The following PHKB variants were observed in gnomAD, a reference collection of about 807,000 sequenced individuals.
PHKB encodes phosphorylase b kinase regulatory subunit beta.
Under a neutral mutation model 152.1 loss-of-function variants are expected in PHKB, and 122 were observed. The ratio of observed to expected loss-of-function variants is 0.80; its 90% CI spans 0.69 to 0.93. PHKB has a LOEUF of 0.93. PHKB is among the 40% of genes least tolerant of loss of function. The pLI, the probability that PHKB is intolerant of heterozygous loss-of-function variation, is 0.00. For missense variants in PHKB, 1,304 were observed against 1,328.4 expected (o/e 0.98, Z 0.29); for synonymous variants, 436 against 464.9 (o/e 0.94, Z 0.80).
At chr16:47,468,600 C>T (rs1191447589) in intron 1 of PHKB, among the ~76,000 whole-genome samples, 1 of 152,240 alleles carries the variant, frequency 6.6e-6, no homozygotes, top group Non-Finnish European at 1.5e-5. Flanking sequence ...TTGCAGTGAG[C>T]TGAGATCGTG....
chr16:47,492,846 G>A (rs545917739), intron 1 of PHKB, among the ~76,000 whole-genome samples: 5 of 152,188 alleles, frequency 3.3e-5, no homozygotes, highest in Non-Finnish European at 5.9e-5. Flanking sequence ...TAAGCCCCAC[G>A]TTGGGTGCTA....
At chr16:47,537,994 G>A (rs530695798) in intron 6 of PHKB, among the ~76,000 whole-genome samples, 1 of 152,034 alleles carries the variant, frequency 6.6e-6, no homozygotes, top group African/African-American at 2.4e-5. Flanking sequence ...CCAGGCTCAA[G>A]CAATCTTCCC....
chr16:47,489,239 G>A (rs1970104219), intron 1 of PHKB, among the ~76,000 whole-genome samples: 1 of 152,132 alleles, frequency 6.6e-6, no homozygotes, highest in Admixed American at 6.5e-5. Flanking sequence ...TTTTAGTAGA[G>A]ATGGGGTTTC....
At chr16:47,594,834 C>A (rs113318674) in intron 12 of PHKB, among the ~76,000 whole-genome samples, 65 of 152,270 alleles carry the variant, frequency 4.3e-4, no homozygotes, top group African/African-American at 1.5e-3. Flanking sequence ...CAAAGGAATT[C>A]CAAATGAGAT....
rs1177353720 is a variant in PHKB at position 47,665,177 on chromosome 16, GC to G, written c.2427+203del. 1.1e-5 allele frequency: 6 copies of G among 553,102 alleles called. No homozygotes were observed. The African/African-American group carries it at 1.1e-4, about 11-fold the overall frequency. 34.3% of individuals were successfully genotyped at this position (553,102 alleles called of 1,614,324 possible). Reference sequence around the variant, plus strand: ...TATGTTGAAATTAAGGAATATAAATGCTTTTTATAAGTCAGCTTCTGTGGAT... The same window carrying G: ...TATGTTGAAATTAAGGAATATAAATGTTTTTATAAGTCAGCTTCTGTGGAT... On this transcript the variant is annotated intron_variant, in intron 25 of 30. Transcript: ENST00000323584.
intron 20 of PHKB, among the ~76,000 whole-genome samples, chr16:47,656,307 G>A (rs912123688): frequency 2.0e-5 from 3 of 152,152 alleles, no homozygotes; most frequent in East Asian, 3.8e-4. Flanking sequence ...GTGAGCCACC[G>A]CGCCTGGCCA....
chr16:47,544,420 A>C (rs1971121447), intron 6 of PHKB, among the ~76,000 whole-genome samples: 1 of 152,186 alleles, frequency 6.6e-6, no homozygotes, highest in Admixed American at 6.5e-5. Flanking sequence ...GTTGATCCTG[A>C]GTCATAAGTT....
At chr16:47,538,343 G>T (rs945565998) in intron 6 of PHKB, among the ~76,000 whole-genome samples, 5 of 152,184 alleles carry the variant, frequency 3.3e-5, no homozygotes, top group Admixed American at 6.5e-5. Context: ...AGGTATATAG[G>T]CAAGGTAGCC....
intron 1 of PHKB, among the ~76,000 whole-genome samples, chr16:47,469,847 A>G (rs893376134): frequency 6.6e-6 from 1 of 152,246 alleles, no homozygotes; most frequent in Admixed American, 6.5e-5. Flanking sequence ...TTAATTTTCC[A>G]TACTATGGAG....
At chr16:47,688,430 T>G (rs1974002166) in intron 26 of PHKB, among the ~76,000 whole-genome samples, 1 of 152,208 alleles carries the variant, frequency 6.6e-6, no homozygotes, top group African/African-American at 2.4e-5. Context: ...AATTAAATAT[T>G]TTGGCTCTTC....
chr16:47,680,273 G>T (rs921442897), intron 26 of PHKB, among the ~76,000 whole-genome samples: 11 of 152,134 alleles, frequency 7.2e-5, no homozygotes, highest in African/African-American at 2.7e-4. Flanking sequence ...TCAGGATTAT[G>T]CTGGCCTCAT....
intron 20 of PHKB, among the ~76,000 whole-genome samples, chr16:47,653,211 G>A (rs1973271515): frequency 6.6e-6 from 1 of 152,114 alleles, no homozygotes; most frequent in African/African-American, 2.4e-5. Context: ...CTGAAAGCAG[G>A]GTGGAGGAAG....
chr16:47,499,700 G>A, intron 2 of PHKB, 56 bp from the exon 3 acceptor site: 1 of 1,605,112 alleles, frequency 6.2e-7, no homozygotes, highest in Non-Finnish European at 8.5e-7. Flanking sequence ...AAAACATTTA[G>A]CCCAAGGAAA....
At chr16:47,599,717 A>G (rs1382874581) in intron 13 of PHKB, among the ~76,000 whole-genome samples, 1 of 152,228 alleles carries the variant, frequency 6.6e-6, no homozygotes, top group East Asian at 1.9e-4. Context: ...CAGTGAGAAC[A>G]TGAAGAAGGT....
chr16:47,661,956 C>A (rs954596437), intron 23 of PHKB, among the ~76,000 whole-genome samples, 156 bp downstream of exon 23: 6 of 152,046 alleles, frequency 3.9e-5, no homozygotes, highest in Non-Finnish European at 7.3e-5. Flanking sequence ...TCATTCATAC[C>A]CCCTAGAGTG....
At chr16:47,577,565 T>C (rs898713447) in intron 7 of PHKB, among the ~76,000 whole-genome samples, 4 of 152,166 alleles carry the variant, frequency 2.6e-5, no homozygotes, top group Non-Finnish European at 5.9e-5. Flanking sequence ...ATAGAATCTC[T>C]TATTTTCCTT....
chr16:47,630,282 G>T (rs1295262398), intron 14 of PHKB, among the ~76,000 whole-genome samples: 1 of 152,102 alleles, frequency 6.6e-6, no homozygotes, highest in Non-Finnish European at 1.5e-5. Context: ...AGGAGTTCAA[G>T]ACCTGCCTGG....
chr16:47,696,422 C>A lies in PHKB; in HGVS notation c.2937C>A (p.Phe979Leu), dbSNP rs780384990. The change falls in exon 29 of 31, where the codon TTC becomes TTA. Residue 979 changes from phenylalanine to leucine, a missense_variant. By Grantham distance (22) the Phe-to-Leu change is conservative. Coordinates refer to ENST00000323584, the MANE Select transcript of PHKB (RefSeq NM_000293.3). ...LSDMTMYEMN[F>L]SLLVEDTLGN... ...ATATGACCATGTATGAGATGAATTT[C>A]TCTCTCCTTGTTGAAGACACGTTGG... is the stretch of plus-strand genomic sequence containing the variant. 1.2e-6 allele frequency: 2 copies of A among 1,611,702 alleles called. No homozygotes were observed.
chr16:47,506,185 CAAAAA>C (rs1271698464), intron 4 of PHKB, among the ~76,000 whole-genome samples: 1 of 125,600 alleles, frequency 8.0e-6, no homozygotes, highest in Non-Finnish European at 1.7e-5. Flanking sequence ...GACTCCGCCT[CAAAAA>C]AAAAAGAAAA....
Sources: gnomAD v4.1 joint callset for allele counts (sites outside exome capture counted in the v4.1 genomes callset) on GRCh38, gnomAD v4.1.1 for gene constraint, MANE v1.5 for transcripts, NCBI Gene and HGNC (gene_info 2026-07-23, HGNC 2026-07-21) for gene names.